The following ETV6 variants were observed in gnomAD, a reference collection of about 807,000 sequenced individuals.
The protein encoded by ETV6 is ETS variant transcription factor 6.
In ETV6, 16 loss-of-function variants were observed where a neutral mutation model predicts 51.1. That is an observed-to-expected ratio of 0.31 (90% confidence interval 0.21 to 0.48). The LOEUF (loss-of-function observed/expected upper bound fraction) is 0.48, where lower values mean the gene tolerates loss of function less well. ETV6 is among the 20% of genes least tolerant of loss of function. The probability of loss-of-function intolerance (pLI) is 0.99; values close to 1 mark genes in which losing one functional copy is unlikely to be tolerated. For synonymous variants in ETV6, 240 were observed against 224.1 expected, an observed-to-expected ratio of 1.07 and a Z score of -0.64; for missense variants, 458 against 594.8, an observed-to-expected ratio of 0.77 and a Z score of 2.39.
At chr12:11,680,592 G>A (rs897873912) in intron 1 of ETV6, among the ~76,000 whole-genome samples, 6 of 152,218 alleles carry the variant, frequency 3.9e-5, no homozygotes, top group African/African-American at 1.4e-4. Context: ...AAAGACTCAT[G>A]TGAGGGGAAG....
At chr12:11,820,892 G>A (rs974153627) in intron 2 of ETV6, among the ~76,000 whole-genome samples, 14 of 152,200 alleles carry the variant, frequency 9.2e-5, no homozygotes, top group African/African-American at 3.4e-4. Flanking sequence ...TAGATGCAGG[G>A]AAGGAACAGT....
chr12:11,719,329 A>G (rs924148451), intron 1 of ETV6, among the ~76,000 whole-genome samples: 3 of 152,208 alleles, frequency 2.0e-5, no homozygotes, highest in African/African-American at 7.2e-5. Context: ...CCTTTGGGCA[A>G]TCTCATGCAT....
chr12:11,884,921 C>G (rs1218521420), intron 6 of ETV6, among the ~76,000 whole-genome samples: 3 of 152,182 alleles, frequency 2.0e-5, no homozygotes, highest in Non-Finnish European at 2.9e-5. Context: ...CAGCAAGACT[C>G]TCTGACTCAC....
intron 1 of ETV6, among the ~76,000 whole-genome samples, chr12:11,659,762 C>T (rs900078787): frequency 2.0e-5 from 3 of 152,188 alleles, no homozygotes; most frequent in Non-Finnish European, 4.4e-5. Flanking sequence ...TCCCCCAGTA[C>T]TTTCTCTTGT....
At chr12:11,813,093 A>C (rs1364723653) in intron 2 of ETV6, among the ~76,000 whole-genome samples, 1 of 152,260 alleles carries the variant, frequency 6.6e-6, no homozygotes, top group Admixed American at 6.5e-5. Context: ...AAGGCTGTGC[A>C]TGCCAGCCGG....
intron 5 of ETV6, among the ~76,000 whole-genome samples, chr12:11,874,990 A>G (rs895150831): frequency 6.6e-6 from 1 of 151,760 alleles, no homozygotes; most frequent in African/African-American, 2.4e-5. Flanking sequence ...GCACATGTAT[A>G]CATATGTAAC....
intron 1 of ETV6, among the ~76,000 whole-genome samples, chr12:11,722,608 C>T (rs78823106): frequency 8.8e-4 from 134 of 152,226 alleles, no homozygotes; most frequent in African/African-American, 3.0e-3. Flanking sequence ...AGGCTTTCTA[C>T]GTCAAAGAGT....
At chr12:11,760,247 C>T (rs985005778) in intron 2 of ETV6, among the ~76,000 whole-genome samples, 1 of 152,224 alleles carries the variant, frequency 6.6e-6, no homozygotes, top group African/African-American at 2.4e-5. Flanking sequence ...CCCATTCTTT[C>T]AACATTGGTC....
chr12:11,786,693 C>A (rs1945491361), intron 2 of ETV6, among the ~76,000 whole-genome samples: 1 of 152,140 alleles, frequency 6.6e-6, no homozygotes, highest in Non-Finnish European at 1.5e-5. Context: ...AGTATTGGGC[C>A]AGGTGATTTC....
chr12:11,862,057 G>A (rs1946725739), intron 4 of ETV6, among the ~76,000 whole-genome samples: 1 of 152,160 alleles, frequency 6.6e-6, no homozygotes, highest in Admixed American at 6.5e-5. Context: ...TGGAAAGGTG[G>A]CCTGTTTGAA....
At chr12:11,790,823 G>A (rs533983802) in intron 2 of ETV6, among the ~76,000 whole-genome samples, 20 of 151,622 alleles carry the variant, frequency 1.3e-4, no homozygotes, top group Admixed American at 5.3e-4. Context: ...GATCACAGGC[G>A]CGCGCCACCA....
intron 1 of ETV6, among the ~76,000 whole-genome samples, chr12:11,733,391 G>A (rs1865638366): frequency 8.3e-6 from 1 of 120,974 alleles, no homozygotes; most frequent in Non-Finnish European, 1.6e-5. Context: ...CTGGGAGACA[G>A]AGCGAGACTC....
intron 2 of ETV6, among the ~76,000 whole-genome samples, chr12:11,777,267 G>A (rs867309545): frequency 4.9e-5 from 7 of 142,008 alleles, no homozygotes; most frequent in African/African-American, 1.5e-4. Flanking sequence ...AAAAAATCAC[G>A]TTTTTTAAAT....
intron 2 of ETV6, among the ~76,000 whole-genome samples, chr12:11,822,836 A>G (rs1045906549): frequency 3.3e-5 from 5 of 152,252 alleles, no homozygotes; most frequent in Non-Finnish European, 5.9e-5. Flanking sequence ...GGGCTTGGCA[A>G]CAGGCATGGA....
intron 1 of ETV6, among the ~76,000 whole-genome samples, chr12:11,678,867 G>A (rs1233003014): frequency 1.3e-5 from 2 of 152,172 alleles, no homozygotes; most frequent in African/African-American, 4.8e-5. Flanking sequence ...GGGAAAAAAA[G>A]GGAGTGACTG....
At position 11,650,489 on chromosome 12, in the gene ETV6, A is replaced by C. The variant is rs1340678684; in HGVS notation, c.33+329A>C. Among the ~76,000 whole-genome samples, 555 of 67,434 alleles carry C rather than the reference A, an allele frequency of 8.2e-3. 15 individuals carry two copies. The highest frequency in any genetic ancestry group is 0.023 in the African/African-American group (528 of 22,652). 44.2% of individuals were successfully genotyped at this position (67,434 alleles called of 152,430 possible). A position where few individuals can be genotyped will look rare whatever the true frequency, so the allele number is the denominator to read the frequency against. Reference sequence around the variant, plus strand: ...CCCGTAATTAGTGCGCTTAAAAAAAAAAAAAACAAAAAACAAAAAAAAAAA... The same window carrying C: ...CCCGTAATTAGTGCGCTTAAAAAAACAAAAAACAAAAAACAAAAAAAAAAA... On this transcript the variant is annotated intron_variant, in intron 1 of 7. Transcript: ENST00000396373.
chr12:11,777,819 A>T (rs1481916086), intron 2 of ETV6, among the ~76,000 whole-genome samples: 3 of 150,494 alleles, frequency 2.0e-5, no homozygotes, highest in East Asian at 2.0e-4. Context: ...GCCCCAGTTT[A>T]AGCCATTTAT....
At chr12:11,819,552 A>G (rs567710600) in intron 2 of ETV6, among the ~76,000 whole-genome samples, 41 of 152,324 alleles carry the variant, frequency 2.7e-4, no homozygotes, top group African/African-American at 9.6e-4. Flanking sequence ...TAGATGTTGT[A>G]CAGTTACCTC....
chr12:11,805,533 T>C (rs1945816676), intron 2 of ETV6, among the ~76,000 whole-genome samples: 2 of 152,208 alleles, frequency 1.3e-5, no homozygotes, highest in Admixed American at 6.5e-5. Context: ...AAATCTGGTC[T>C]GGTGTGTCGC....
Sources: allele counts gnomAD v4.1 joint callset (sites outside exome capture counted in the v4.1 genomes callset), GRCh38; gene constraint gnomAD v4.1.1; transcripts MANE v1.5; gene names NCBI Gene and HGNC (gene_info 2026-07-23, HGNC 2026-07-21).